Variants in FAM171A1 observed in about 807,000 individuals in gnomAD.
FAM171A1 encodes family with sequence similarity 171 member A1, also known as protein FAM171A1.
Under a neutral mutation model 74.9 loss-of-function variants are expected in FAM171A1, and 23 were observed. The observed-to-expected ratio is 0.31, with a 90% CI of 0.22 to 0.44. FAM171A1 has a LOEUF of 0.44. FAM171A1 is among the 20% of genes least tolerant of loss of function. The probability of loss-of-function intolerance (pLI) is 1.00; values close to 1 mark genes in which losing one functional copy is unlikely to be tolerated. For synonymous variants in FAM171A1, 527 were observed against 505.7 expected (o/e 1.04, Z -0.57); for missense variants, 1,162 against 1,159.2 (o/e 1.00, Z -0.03).
At chr10:15,218,927 C>T (rs562851451) in intron 6 of FAM171A1, among the ~76,000 whole-genome samples, 98 of 152,162 alleles carry the variant, frequency 6.4e-4, no homozygotes, top group African/African-American at 2.3e-3. Context: ...TGAGTCTCTT[C>T]CTTCACTGCT....
chr10:15,351,764 A>G (rs1277858702), intron 1 of FAM171A1, among the ~76,000 whole-genome samples: 1 of 152,198 alleles, frequency 6.6e-6, no homozygotes, highest in Admixed American at 6.5e-5. Flanking sequence ...AACTAAAAAT[A>G]AATTTAAGGC....
chr10:15,287,088 CTTCT>C (rs1588534504), intron 1 of FAM171A1, among the ~76,000 whole-genome samples: 1 of 137,196 alleles, frequency 7.3e-6, no homozygotes, highest in African/African-American at 2.8e-5. Flanking sequence ...ACATTTTCTT[CTTCT>C]TTTTTTTTTT....
At chr10:15,318,978 G>T (rs1029666330) in intron 1 of FAM171A1, among the ~76,000 whole-genome samples, 1 of 152,162 alleles carries the variant, frequency 6.6e-6, no homozygotes, top group Non-Finnish European at 1.5e-5. Flanking sequence ...AGGAGGAGAA[G>T]AACATCAAGA....
chr10:15,367,582 C>T (rs1189557838), intron 1 of FAM171A1, among the ~76,000 whole-genome samples: 1 of 152,140 alleles, frequency 6.6e-6, no homozygotes, highest in Admixed American at 6.6e-5. Flanking sequence ...TTGGATGATC[C>T]TCCTGATACC....
chr10:15,316,477 G>A (rs1477371868), intron 1 of FAM171A1, among the ~76,000 whole-genome samples: 1 of 152,190 alleles, frequency 6.6e-6, no homozygotes, highest in South Asian at 2.1e-4. Context: ...CTCGGGGTGA[G>A]TCCATGTGTC....
At chr10:15,331,880 C>CATATATATATATATATATAT (rs71390031) in intron 1 of FAM171A1, among the ~76,000 whole-genome samples, 32 of 59,658 alleles carry the variant, frequency 5.4e-4, no homozygotes, top group Admixed American at 1.4e-3. Flanking sequence ...TGTGTGTATA[C>CATATATATATATATATATAT]ATATATATAT....
At chr10:15,361,244 A>G (rs893062999) in intron 1 of FAM171A1, among the ~76,000 whole-genome samples, 1 of 152,220 alleles carries the variant, frequency 6.6e-6, no homozygotes, top group African/African-American at 2.4e-5. Flanking sequence ...TACACTTCTT[A>G]TTGACTCCTC....
intron 1 of FAM171A1, among the ~76,000 whole-genome samples, chr10:15,294,852 ATT>A (rs1835142046): frequency 6.6e-6 from 1 of 152,176 alleles, no homozygotes; most frequent in African/African-American, 2.4e-5. Context: ...CCCTGTCGGT[ATT>A]TGACAAAACT....
intron 1 of FAM171A1, among the ~76,000 whole-genome samples, chr10:15,338,971 T>C (rs1252280506): frequency 2.6e-5 from 4 of 152,114 alleles, no homozygotes; most frequent in African/African-American, 9.7e-5. Context: ...ACTCCTGACC[T>C]CAAGTGATCC....
At chr10:15,289,063 C>G (rs1835073166) in intron 1 of FAM171A1, among the ~76,000 whole-genome samples, 1 of 152,146 alleles carries the variant, frequency 6.6e-6, no homozygotes, top group African/African-American at 2.4e-5. Context: ...CTCAGGTGAT[C>G]TGCCTGCCTT....
rs193238590 is a variant in FAM171A1, at chr10:15,273,434, C to A, written c.418+2421G>T. ...CAACCAAAGAAAGTCCAGGACCAGA[C>A]GAATTCACAGACGAATTCTACAAGA... On this transcript the variant is annotated intron_variant, in intron 3 of 7. Coordinates refer to ENST00000378116, the MANE Select transcript of FAM171A1 (RefSeq NM_001010924.2). 7.2e-3 allele frequency among the ~76,000 whole-genome samples: 1,093 copies of A among 152,192 alleles called. 9 individuals are homozygous for A. The highest frequency in any genetic ancestry group is 8.8e-3 in the Non-Finnish European group (595 of 67,994).
At chr10:15,355,291 T>C (rs957289752) in intron 1 of FAM171A1, among the ~76,000 whole-genome samples, 1 of 152,122 alleles carries the variant, frequency 6.6e-6, no homozygotes, top group Non-Finnish European at 1.5e-5. Flanking sequence ...CCCAGGCTGG[T>C]CTTGAACTCC....
intron 1 of FAM171A1, among the ~76,000 whole-genome samples, chr10:15,294,977 G>A (rs576726833): frequency 1.3e-5 from 2 of 152,226 alleles, no homozygotes; most frequent in Admixed American, 6.5e-5. Flanking sequence ...GTGCAGTGGC[G>A]CGATCTCGGC....
intron 3 of FAM171A1, among the ~76,000 whole-genome samples, chr10:15,275,098 G>C (rs1834876444): frequency 6.6e-6 from 1 of 152,068 alleles, no homozygotes; most frequent in African/African-American, 2.4e-5. Flanking sequence ...ACCGGGGCCT[G>C]TCGTGGGGTT....
In FAM171A1 at chr10:15,288,926, G is replaced by A. The variant is rs189578629; in HGVS notation, c.98-4821C>T. 9.5e-3 allele frequency among the ~76,000 whole-genome samples: 1,373 copies of A among 144,518 alleles called. 18 individuals are homozygous for A. Among genetic ancestry groups the A allele is most frequent in the African/African-American group, 0.033 (1,269 of 38,790 alleles). 94.8% of individuals were successfully genotyped at this position (144,518 alleles called of 152,430 possible). On this transcript the variant is annotated intron_variant, in intron 1 of 7. Coordinates refer to ENST00000378116, the MANE Select transcript of FAM171A1 (RefSeq NM_001010924.2). Reference sequence around the variant, plus strand: ...CAACCTCCACTTCCCGGGTTCAAGCGATTCTCCTGCCTCAGCCTCCCAAGT... The same window carrying A: ...CAACCTCCACTTCCCGGGTTCAAGCAATTCTCCTGCCTCAGCCTCCCAAGT...
rs989457850 is a variant in FAM171A1, at chr10:15,230,865, C to T, written c.755-9805G>A. 1.4e-4 allele frequency among the ~76,000 whole-genome samples: 21 copies of T among 152,152 alleles called. 1 individual carries two copies. The highest frequency in any genetic ancestry group is 1.3e-3 in the Admixed American group (20 of 15,270). On this transcript the variant is annotated intron_variant, in intron 5 of 7. Coordinates refer to ENST00000378116, the MANE Select transcript of FAM171A1 (RefSeq NM_001010924.2). The stretch of plus-strand genomic sequence containing the variant: ...ATATATACATTTCCTGAAAGTAGGT[C>T]AGAATACAAGCTAATTAGCCCCATC...
intron 1 of FAM171A1, among the ~76,000 whole-genome samples, chr10:15,351,277 G>C (rs1257010390): frequency 6.6e-6 from 1 of 152,160 alleles, no homozygotes; most frequent in East Asian, 1.9e-4. Context: ...GAGTCCCTGC[G>C]CAGGAATCAT....
intron 6 of FAM171A1, among the ~76,000 whole-genome samples, chr10:15,217,222 G>T (rs1483868182): frequency 6.6e-6 from 1 of 152,166 alleles, no homozygotes; most frequent in African/African-American, 2.4e-5. Context: ...ACTAACAACA[G>T]ATCAGCGACA....
At chr10:15,346,408 T>C (rs1212789155) in intron 1 of FAM171A1, among the ~76,000 whole-genome samples, 1 of 152,118 alleles carries the variant, frequency 6.6e-6, no homozygotes, top group Admixed American at 6.5e-5. Flanking sequence ...ACAGGCATGT[T>C]CTTATGGTGG....
Sources: gnomAD v4.1 joint callset for allele counts (sites outside exome capture counted in the v4.1 genomes callset) on GRCh38, gnomAD v4.1.1 for gene constraint, MANE v1.5 for transcripts, NCBI Gene and HGNC (gene_info 2026-07-23, HGNC 2026-07-21) for gene names.